Variants in ADGRL2 observed in about 807,000 individuals in gnomAD.
The protein encoded by ADGRL2 is adhesion G protein-coupled receptor L2, also known as calcium-independent alpha-latrotoxin receptor 2.
A neutral mutation model predicts 157.4 loss-of-function variants in ADGRL2; 44 were observed. The observed-to-expected ratio is 0.28, with a 90% CI of 0.22 to 0.36. The LOEUF (loss-of-function observed/expected upper bound fraction) is 0.36. Ranked by LOEUF, ADGRL2 falls within the 10% of genes least tolerant of loss-of-function variation. The pLI is 1.00. For missense variants in ADGRL2, 1,510 were observed against 1,768.9 expected (o/e 0.85, Z 2.63); for synonymous variants, 585 against 624.7 (o/e 0.94, Z 0.95).
intron 2 of ADGRL2, among the ~76,000 whole-genome samples, chr1:81,479,135 A>G (rs1210059328): frequency 6.6e-6 from 1 of 152,088 alleles, no homozygotes; most frequent in Non-Finnish European, 1.5e-5. Flanking sequence ...TTTGTCCCCA[A>G]GATTGGCAAA....
chr1:81,385,780 A>C (rs2076424503), intron 1 of ADGRL2, among the ~76,000 whole-genome samples: 2 of 152,144 alleles, frequency 1.3e-5, no homozygotes. Context: ...TGCAATATTC[A>C]TACCAAGAAG....
chr1:81,992,030 G>A lies in ADGRL2; in HGVS notation c.*885G>A, dbSNP rs1292816415. ...TTATTGCCAAAAGAACGTGTTTTAT[G>A]GGGAGAAACAAACTCTTTGAAGCCA... On this transcript the variant is annotated 3_prime_UTR_variant, in exon 24 of 24. Coordinates refer to ENST00000686636, the MANE Select transcript of ADGRL2 (RefSeq NM_001366006.2). The A allele has an allele frequency of 6.6e-6, 1 of 152,424 alleles. No homozygotes were observed. The allele number at this position is 152,424 out of a possible 1,614,324, so 9.4% of individuals were successfully genotyped here. A position where few individuals can be genotyped will look rare whatever the true frequency, so the allele number is the denominator to read the frequency against.
At chr1:81,721,612 C>T in intron 1 of ADGRL2, 1 of 598,240 alleles carries the variant, frequency 1.7e-6, no homozygotes, top group East Asian at 2.9e-5. Flanking sequence ...ACAAAAATTG[C>T]TTCTGTGCGG....
chr1:81,711,683 C>A (rs1428903547), intron 1 of ADGRL2, among the ~76,000 whole-genome samples: 1 of 152,078 alleles, frequency 6.6e-6, no homozygotes, highest in Non-Finnish European at 1.5e-5. Flanking sequence ...TTAATTTATG[C>A]TAAGATGTTA....
At chr1:81,713,625 T>A (rs1037895701) in intron 1 of ADGRL2, among the ~76,000 whole-genome samples, 2 of 152,192 alleles carry the variant, frequency 1.3e-5, no homozygotes, top group African/African-American at 2.4e-5. Context: ...TTGTCCCCAT[T>A]TGTGTATGTA....
chr1:81,698,609 T>C (rs537863748), upstream of ADGRL2, among the ~76,000 whole-genome samples: 6 of 152,300 alleles, frequency 3.9e-5, no homozygotes, highest in Middle Eastern at 6.8e-3. Flanking sequence ...TAGCACAGTT[T>C]GCTTGATTTA....
chr1:81,585,825 C>A (rs2081014585), intron 3 of ADGRL2: 1 of 151,976 alleles, frequency 6.6e-6, no homozygotes, highest in Non-Finnish European at 1.5e-5. Flanking sequence ...AGCATTACAA[C>A]TTCATTTTCA....
At chr1:81,564,838 T>G (rs2080523228) in intron 2 of ADGRL2, among the ~76,000 whole-genome samples, 1 of 152,142 alleles carries the variant, frequency 6.6e-6, no homozygotes, top group African/African-American at 2.4e-5. Flanking sequence ...GACTCTAGTC[T>G]ATATGTCTGG....
intron 3 of ADGRL2, among the ~76,000 whole-genome samples, chr1:81,641,162 T>C (rs970584384): frequency 2.0e-5 from 3 of 152,188 alleles, no homozygotes; most frequent in East Asian, 1.9e-4. Flanking sequence ...TTTAAAAATA[T>C]ATATAAGGCA....
chr1:81,873,927 G>A (rs182490800), intron 2 of ADGRL2, among the ~76,000 whole-genome samples: 2 of 152,070 alleles, frequency 1.3e-5, no homozygotes, highest in Non-Finnish European at 1.5e-5. Context: ...ATGTACAAAG[G>A]TCTCTAATTA....
intron 3 of ADGRL2, among the ~76,000 whole-genome samples, chr1:81,619,527 C>G (rs981462805): frequency 8.0e-6 from 1 of 124,474 alleles, no homozygotes; most frequent in African/African-American, 2.8e-5. Flanking sequence ...GCTCCCTAAC[C>G]CCACTGGAAA....
intron 1 of ADGRL2, among the ~76,000 whole-genome samples, chr1:81,743,782 T>G (rs545861762): frequency 6.6e-6 from 1 of 152,134 alleles, no homozygotes; most frequent in Non-Finnish European, 1.5e-5. Context: ...GAGTGGATCT[T>G]AATTTGTTCT....
intron 1 of ADGRL2, among the ~76,000 whole-genome samples, chr1:81,416,878 T>C (rs1160757951): frequency 2.0e-5 from 3 of 152,184 alleles, no homozygotes; most frequent in African/African-American, 7.2e-5. Context: ...ATTATGTATG[T>C]AGTAAAACAG....
chr1:81,879,470 G>A (rs2093928144), intron 2 of ADGRL2, among the ~76,000 whole-genome samples: 2 of 149,496 alleles, frequency 1.3e-5, no homozygotes, highest in Non-Finnish European at 3.0e-5. Flanking sequence ...TTTTTTTAAA[G>A]TGTTATAGCT....
intron 3 of ADGRL2, among the ~76,000 whole-genome samples, chr1:81,914,450 G>T (rs1052847090): frequency 1.3e-5 from 2 of 151,986 alleles, no homozygotes; most frequent in African/African-American, 4.8e-5. Context: ...ACTAGTCAGG[G>T]TTACTCTTGC....
intron 2 of ADGRL2, among the ~76,000 whole-genome samples, chr1:81,495,567 G>A (rs1570277630): frequency 6.6e-6 from 1 of 152,114 alleles, no homozygotes. Flanking sequence ...CTGCAATGAA[G>A]CACCTTCATT....
intron 2 of ADGRL2, among the ~76,000 whole-genome samples, chr1:81,463,555 A>T (rs952841817): frequency 1.3e-5 from 2 of 152,192 alleles, no homozygotes; most frequent in African/African-American, 4.8e-5. Flanking sequence ...TTTCAGAATG[A>T]AAAGGAGGTT....
intron 2 of ADGRL2, among the ~76,000 whole-genome samples, chr1:81,765,684 T>C (rs1467492236): frequency 6.6e-6 from 1 of 152,004 alleles, no homozygotes; most frequent in African/African-American, 2.4e-5. Context: ...ACTTAATGAA[T>C]AAAGGTTGAA....
chr1:81,419,672 G>A (rs989560443), intron 1 of ADGRL2, among the ~76,000 whole-genome samples: 1 of 152,200 alleles, frequency 6.6e-6, no homozygotes, highest in Non-Finnish European at 1.5e-5. Flanking sequence ...AGGTAAATAC[G>A]CATGCTTTTG....
Sources: gnomAD v4.1 joint callset for allele counts (sites outside exome capture counted in the v4.1 genomes callset) on GRCh38, gnomAD v4.1.1 for gene constraint, MANE v1.5 for transcripts, NCBI Gene and HGNC (gene_info 2026-07-23, HGNC 2026-07-21) for gene names.